MCF2L2: variants seen among roughly 807,000 people sequenced by gnomAD.
The protein encoded by MCF2L2 is MCF.2 cell line derived transforming sequence-like 2.
Under a neutral mutation model 150.2 loss-of-function variants are expected in MCF2L2, and 102 were observed. That is an observed-to-expected ratio of 0.68 (90% CI 0.58 to 0.80). The LOEUF is 0.80. Among genes scored for constraint, MCF2L2 ranks in the 30% least tolerant of loss-of-function variants. The probability of loss-of-function intolerance (pLI) is 0.00; values close to 1 mark genes in which losing one functional copy is unlikely to be tolerated. For synonymous variants in MCF2L2, 465 were observed against 491.3 expected, an observed-to-expected ratio of 0.95 and a Z score of 0.71; for missense variants, 1,256 against 1,372.8, an observed-to-expected ratio of 0.91 and a Z score of 1.34.
chr3:183,299,925 A>C (rs2293202), intron 11 of MCF2L2, 80 bp downstream of exon 11: 37,555 of 1,466,600 alleles, frequency 0.026, 2,345 homozygotes, highest in African/African-American at 0.23. Flanking sequence ...CAATCACACA[A>C]GGAAGGGAGG....
intron 3 of MCF2L2, chr3:183,375,141 G>A (rs1326819598): frequency 6.6e-6 from 1 of 152,174 alleles, no homozygotes; most frequent in Non-Finnish European, 1.5e-5. Context: ...TAAATCAATA[G>A]AATAATAAGT....
chr3:183,346,836 A>T (rs888362535), intron 3 of MCF2L2, among the ~76,000 whole-genome samples: 1 of 152,196 alleles, frequency 6.6e-6, no homozygotes, highest in Non-Finnish European at 1.5e-5. Context: ...AGTACCTAGA[A>T]ATACAACTTA....
At chr3:183,379,511 C>T (rs771192809) in intron 2 of MCF2L2, 100 bp from the exon 3 acceptor site, 3 of 741,886 alleles carry the variant, frequency 4.0e-6, no homozygotes, top group Non-Finnish European at 6.9e-6. Flanking sequence ...TCTTTTCCTA[C>T]CTATATTATC....
intron 21 of MCF2L2, among the ~76,000 whole-genome samples, chr3:183,216,305 C>G (rs528919477): frequency 8.6e-5 from 13 of 150,992 alleles, no homozygotes; most frequent in African/African-American, 3.2e-4. Context: ...TCATCTACCT[C>G]TGTGCATTGT....
chr3:183,194,608 C>T (rs1197941607), intron 26 of MCF2L2, among the ~76,000 whole-genome samples: 1 of 151,984 alleles, frequency 6.6e-6, no homozygotes, highest in Non-Finnish European at 1.5e-5. Context: ...AAAGCAAGGG[C>T]AATTAGGGGA....
chr3:183,323,556 C>T (rs192123612), intron 5 of MCF2L2, among the ~76,000 whole-genome samples: 47 of 151,822 alleles, frequency 3.1e-4, no homozygotes, highest in Admixed American at 1.3e-3. Flanking sequence ...CTTTGGAAGG[C>T]TGAGGTGGGA....
chr3:183,271,832 C>T (rs1444001317), intron 15 of MCF2L2: 3 of 166,916 alleles, frequency 1.8e-5, no homozygotes, highest in African/African-American at 7.2e-5. Flanking sequence ...AATGGAGAGA[C>T]TTCAAATGGA....
intron 5 of MCF2L2, among the ~76,000 whole-genome samples, chr3:183,325,577 C>T (rs6767909): frequency 0.23 from 35,246 of 152,032 alleles, 4,647 homozygotes; most frequent in African/African-American, 0.35. Flanking sequence ...TAGGACAGGT[C>T]GTTAGAAATT....
At position 183,428,035 on chromosome 3, in the gene MCF2L2, G is replaced by A. The variant is rs1005595226; in HGVS notation, c.-58C>T. On this transcript the variant is annotated 5_prime_UTR_variant, in exon 1 of 30. Coordinates refer to ENST00000328913, the MANE Select transcript of MCF2L2 (RefSeq NM_015078.4). The surrounding 1 kb of genome is among the most constrained non-coding windows in gnomAD (Gnocchi z 5.1). ...CAAACAAAACTGTTTCTACCGCTGC[G>A]GTGGATGATTTTTTAAAGGCATCTC... is the stretch of plus-strand genomic sequence containing the variant. The A allele has an allele frequency of 1.3e-5, 18 of 1,352,688 alleles. No individual in the cohort carries two copies. Among genetic ancestry groups the A allele is most frequent in the Admixed American group, 1.7e-5 (1 of 59,264 alleles). 83.8% of individuals were successfully genotyped at this position (1,352,688 alleles called of 1,614,324 possible).
chr3:183,405,756 G>A (rs904922152), intron 1 of MCF2L2, among the ~76,000 whole-genome samples: 1 of 152,050 alleles, frequency 6.6e-6, no homozygotes, highest in Non-Finnish European at 1.5e-5. Flanking sequence ...TCACTCTGTC[G>A]CCCAGTTGGA....
Position 183,205,865 on chromosome 3 carries a change from G to A in MCF2L2, c.2884+11C>T. On this transcript the variant is annotated intron_variant, in intron 25 of 29. Transcript: ENST00000328913. ...TAACTCGACAGACGAAAGTCAGCAG[G>A]GGTAACCTACCTTTGATATTATTTT... The A allele has an allele frequency of 6.2e-7, 1 of 1,607,890 alleles. No homozygotes were observed. Among genetic ancestry groups the A allele is most frequent in the Non-Finnish European group, 8.5e-7 (1 of 1,174,580 alleles).
rs2108626559 is a variant in MCF2L2, at chr3:183,181,168, T to C, written c.3017-1009A>G. On this transcript the variant is annotated intron_variant, in intron 27 of 29. Coordinates refer to ENST00000328913, the MANE Select transcript of MCF2L2 (RefSeq NM_015078.4). The surrounding 1 kb of genome is among the most constrained non-coding windows in gnomAD (Gnocchi z 4.3). ...GGGCAGAGGCATGGCCAGAGGGCGGTAGGCGGCAGTGGAGGGAGCTGCAGT... is the reference window on the plus strand; with the variant it reads ...GGGCAGAGGCATGGCCAGAGGGCGGCAGGCGGCAGTGGAGGGAGCTGCAGT... Among the ~76,000 whole-genome samples, 1 of 152,118 alleles carries C rather than the reference T, an allele frequency of 6.6e-6. No individual in the cohort carries two copies. Among genetic ancestry groups the C allele is most frequent in the Admixed American group, 6.5e-5 (1 of 15,284 alleles).
At chr3:183,309,489 T>C (rs1294623612) in intron 10 of MCF2L2, among the ~76,000 whole-genome samples, 1 of 152,160 alleles carries the variant, frequency 6.6e-6, no homozygotes, top group Non-Finnish European at 1.5e-5. Flanking sequence ...GACCTGAGCG[T>C]CCAACTGCAA....
At chr3:183,213,799 G>A (rs1722819458) in intron 22 of MCF2L2, among the ~76,000 whole-genome samples, 1 of 152,148 alleles carries the variant, frequency 6.6e-6, no homozygotes, top group African/African-American at 2.4e-5. Flanking sequence ...TGAATCAGAA[G>A]GTTGAAAATT....
At position 183,270,076 on chromosome 3, in the gene MCF2L2, T is replaced by C; in HGVS notation, c.1862+6796A>G. ...GCTCAAGACGTCCTCCTTTTACTGT[T>C]TGTAAAAACTGCTCCTGAAAACTAT... On this transcript the variant is annotated intron_variant, in intron 15 of 29. Transcript: ENST00000328913. The surrounding 1 kb of genome is among the most constrained non-coding windows in gnomAD (Gnocchi z 4.5). 1 of 1,614,154 alleles carries C rather than the reference T, an allele frequency of 6.2e-7. No homozygotes were observed. Among genetic ancestry groups the C allele is most frequent in the Non-Finnish European group, 8.5e-7 (1 of 1,180,038 alleles).
intron 18 of MCF2L2, chr3:183,224,820 C>T (rs13065908): frequency 0.3 from 45,470 of 152,302 alleles, 7,962 homozygotes; most frequent in Middle Eastern, 0.44. Context: ...GTGACTGTTT[C>T]GGAGCTAGAG....
At chr3:183,371,986 T>C (rs1308024642) in intron 3 of MCF2L2, 1 of 151,514 alleles carries the variant, frequency 6.6e-6, no homozygotes, top group Non-Finnish European at 1.5e-5. Flanking sequence ...GAGGGAGGTA[T>C]ATAGTATTTT....
At chr3:183,339,479 C>T (rs935324216) in intron 4 of MCF2L2, among the ~76,000 whole-genome samples, 2 of 152,116 alleles carry the variant, frequency 1.3e-5, no homozygotes, top group Admixed American at 6.5e-5. Flanking sequence ...GATAATTTTA[C>T]TATTGTAAAT....
At chr3:183,337,552 C>CAAAAA (rs61184812) in intron 5 of MCF2L2, among the ~76,000 whole-genome samples, 1,959 of 71,856 alleles carry the variant, frequency 0.027, 72 homozygotes, top group African/African-American at 0.084. Context: ...GACTCCATCT[C>CAAAAA]AAAAAAAAAA....
Sources: gnomAD v4.1 joint callset for allele counts (sites outside exome capture counted in the v4.1 genomes callset) on GRCh38, gnomAD v4.1.1 for gene constraint, Gnocchi (gnomAD v3.1) non-coding constraint, MANE v1.5 for transcripts, NCBI Gene and HGNC (gene_info 2026-07-23, HGNC 2026-07-21) for gene names.